The following PSD3 variants were observed in gnomAD, a reference collection of about 807,000 sequenced individuals.
PSD3 encodes PH and SEC7 domain-containing protein 3.
PSD3 carries 49 observed loss-of-function variants against 105.5 expected under a neutral mutation model. The ratio of observed to expected loss-of-function variants is 0.46; its 90% CI spans 0.37 to 0.59. The LOEUF is 0.59. Among genes scored for constraint, PSD3 ranks in the 20% least tolerant of loss-of-function variants. The pLI, the probability that PSD3 is intolerant of heterozygous loss-of-function variation, is 0.00. For missense variants in PSD3, 1,561 were observed against 1,263.8 expected, an observed-to-expected ratio of 1.24 and a Z score of -3.57; for synonymous variants, 557 against 457.8, an observed-to-expected ratio of 1.22 and a Z score of -2.77.
chr8:18,865,253 T>C (rs1816775118), intron 4 of PSD3: 1 of 3,344 alleles, frequency 3.0e-4, no homozygotes, highest in Non-Finnish European at 6.9e-4. Context: ...TATATATATA[T>C]ATATATATAT....
At chr8:18,890,990 T>C (rs371623457) in intron 2 of PSD3, among the ~76,000 whole-genome samples, 2 of 152,270 alleles carry the variant, frequency 1.3e-5, no homozygotes, top group East Asian at 1.9e-4. Flanking sequence ...CAGCCTGTGA[T>C]AGAAAGGAAA....
chr8:18,616,618 C>CTTTTTTTTTTTTTTTTTT, intron 11 of PSD3, among the ~76,000 whole-genome samples: 1 of 72,350 alleles, frequency 1.4e-5, no homozygotes, highest in South Asian at 4.0e-4. Context: ...ATCTTCCTCT[C>CTTTTTTTTTTTTTTTTTT]TTTTCTTTTC....
chr8:18,915,281 A>G (rs1820509676), intron 2 of PSD3, among the ~76,000 whole-genome samples: 1 of 152,224 alleles, frequency 6.6e-6, no homozygotes, highest in Non-Finnish European at 1.5e-5. Context: ...ACACTCGTCT[A>G]GGCCATGATT....
At chr8:18,835,589 C>T (rs573677113) in intron 4 of PSD3, among the ~76,000 whole-genome samples, 58 of 152,128 alleles carry the variant, frequency 3.8e-4, no homozygotes, top group South Asian at 3.1e-3. Context: ...GCCAAGGGGC[C>T]GTGGGGAAGC....
chr8:18,927,822 G>A (rs780835230), intron 2 of PSD3, among the ~76,000 whole-genome samples: 18 of 152,198 alleles, frequency 1.2e-4, no homozygotes, highest in Admixed American at 8.5e-4. Context: ...AAGGATTTTA[G>A]GAGGTGTATG....
intron 4 of PSD3, among the ~76,000 whole-genome samples, chr8:18,843,915 ATTTTTTT>A (rs10578700): frequency 1.4e-5 from 2 of 141,698 alleles, no homozygotes; most frequent in Non-Finnish European, 1.5e-5. Context: ...AAGATAGACT[ATTTTTTT>A]TTTTTTTTTT....
chr8:18,626,866 A>G (rs192653951), intron 11 of PSD3, among the ~76,000 whole-genome samples: 1 of 152,282 alleles, frequency 6.6e-6, no homozygotes, highest in Non-Finnish European at 1.5e-5. Context: ...CTCCAAATAT[A>G]TAACTAAACT....
intron 15 of PSD3, among the ~76,000 whole-genome samples, chr8:18,554,269 C>T (rs1007651738): frequency 1.4e-4 from 21 of 152,184 alleles, no homozygotes; most frequent in Non-Finnish European, 2.4e-4. Context: ...AGGCCTATGG[C>T]TTAAAGCCAC....
chr8:18,586,523 A>C (rs1305557576), intron 12 of PSD3, among the ~76,000 whole-genome samples: 2 of 152,126 alleles, frequency 1.3e-5, no homozygotes, highest in African/African-American at 2.4e-5. Flanking sequence ...TGAGACCCTA[A>C]ACAGATTGTT....
intron 9 of PSD3, among the ~76,000 whole-genome samples, chr8:18,727,260 C>A (rs1032054713): frequency 1.4e-5 from 2 of 147,838 alleles, no homozygotes; most frequent in African/African-American, 5.0e-5. Context: ...TCGATTGAAC[C>A]TGGGAGGCGG....
At chr8:18,862,706 C>G (rs1342768669) in intron 4 of PSD3, among the ~76,000 whole-genome samples, 1 of 151,742 alleles carries the variant, frequency 6.6e-6, no homozygotes, top group Admixed American at 6.6e-5. Context: ...AAAGTGACTT[C>G]AAGTTTAAAC....
intron 10 of PSD3, among the ~76,000 whole-genome samples, chr8:18,633,801 G>A (rs1452711867): frequency 6.6e-6 from 1 of 152,042 alleles, no homozygotes; most frequent in Non-Finnish European, 1.5e-5. Flanking sequence ...TGATTTGAAT[G>A]GTAGTTCTTT....
chr8:18,981,222 C>A (rs1477252434), intron 1 of PSD3, among the ~76,000 whole-genome samples: 1 of 152,098 alleles, frequency 6.6e-6, no homozygotes, highest in African/African-American at 2.4e-5. Context: ...GTTGAATGAA[C>A]AGATGAATGA....
chr8:18,925,378 T>C (rs1821295049), intron 2 of PSD3, among the ~76,000 whole-genome samples: 1 of 150,864 alleles, frequency 6.6e-6, no homozygotes, highest in African/African-American at 2.5e-5. Flanking sequence ...TCCAGGCAAC[T>C]ATCTCTAAAA....
intron 2 of PSD3, among the ~76,000 whole-genome samples, chr8:18,877,236 T>C (rs1316875651): frequency 6.6e-6 from 1 of 152,214 alleles, no homozygotes; most frequent in East Asian, 1.9e-4. Flanking sequence ...AGCAAATCAT[T>C]GTCTAAACCA....
intron 2 of PSD3, among the ~76,000 whole-genome samples, chr8:18,922,059 T>C (rs548064813): frequency 1.2e-4 from 19 of 152,350 alleles, no homozygotes; most frequent in Non-Finnish European, 2.6e-4. Flanking sequence ...ACTTCTGCTT[T>C]ATAGAAGGGA....
intron 2 of PSD3, among the ~76,000 whole-genome samples, chr8:18,916,103 A>C (rs116665018): frequency 0.05 from 7,566 of 151,872 alleles, 210 homozygotes; most frequent in Admixed American, 0.082. Context: ...ACTCAAAAAA[A>C]ATAAAAATAA....
At chr8:18,556,665 C>CG (rs1801094685) in intron 14 of PSD3, among the ~76,000 whole-genome samples, 1 of 152,226 alleles carries the variant, frequency 6.6e-6, no homozygotes, top group African/African-American at 2.4e-5. Flanking sequence ...CCCTGACAGG[C>CG]ATGTCACCAG....
intron 1 of PSD3, among the ~76,000 whole-genome samples, chr8:19,045,549 A>G (rs2129476860): frequency 6.6e-6 from 1 of 152,374 alleles, no homozygotes; most frequent in African/African-American, 2.4e-5. Context: ...GCTGGTTTCT[A>G]GGACCGATTC....
Sources: allele counts gnomAD v4.1 joint callset (sites outside exome capture counted in the v4.1 genomes callset), GRCh38; gene constraint gnomAD v4.1.1; transcripts MANE v1.5; gene names NCBI Gene and HGNC (gene_info 2026-07-23, HGNC 2026-07-21).